The following PTPRD variants were observed in gnomAD, a reference collection of about 807,000 sequenced individuals.
PTPRD encodes receptor-type tyrosine-protein phosphatase delta.
In PTPRD, 34 loss-of-function variants were observed where a neutral mutation model predicts 214.5. The observed-to-expected ratio is 0.16, with a 90% CI of 0.12 to 0.21. PTPRD has a LOEUF of 0.21. PTPRD is among the 10% of genes least tolerant of loss of function. PTPRD has a pLI of 1.00. For synonymous variants in PTPRD, 1,128 were observed against 845.7 expected (o/e 1.33, Z -5.79); for missense variants, 2,545 against 2,398.7 (o/e 1.06, Z -1.27).
chr9:9,004,941 G>A (rs1205617261), intron 11 of PTPRD, among the ~76,000 whole-genome samples: 2 of 152,084 alleles, frequency 1.3e-5, no homozygotes, highest in Admixed American at 1.3e-4. Context: ...AGCCAAAAAT[G>A]AGCTAATTTT....
intron 16 of PTPRD, 130 bp downstream of exon 16, chr9:8,527,215 C>T: frequency 1.1e-6 from 1 of 913,234 alleles, no homozygotes; most frequent in South Asian, 1.7e-5. Flanking sequence ...GTGTGGGAGC[C>T]ACTACAGAGA....
chr9:8,633,263 G>C (rs1028636642), intron 14 of PTPRD, 54 bp downstream of exon 14: 3 of 1,579,274 alleles, frequency 1.9e-6, no homozygotes, highest in Non-Finnish European at 1.7e-6. Context: ...TGCTACAAAA[G>C]AGATACAGAA....
chr9:10,335,238 TA>T (rs902487060), intron 3 of PTPRD, among the ~76,000 whole-genome samples: 2 of 151,478 alleles, frequency 1.3e-5, no homozygotes, highest in Non-Finnish European at 3.0e-5. Flanking sequence ...AAATAACAGA[TA>T]AAAAGATCAA....
At chr9:9,751,084 G>T (rs532456512) in intron 6 of PTPRD, among the ~76,000 whole-genome samples, 1 of 152,160 alleles carries the variant, frequency 6.6e-6, no homozygotes, top group East Asian at 1.9e-4. Context: ...CTTGAATGAA[G>T]ATTCTAAACA....
intron 10 of PTPRD, among the ~76,000 whole-genome samples, chr9:9,182,428 G>T (rs914585756): frequency 6.6e-5 from 10 of 151,918 alleles, no homozygotes; most frequent in African/African-American, 2.4e-4. Flanking sequence ...ACTTTATTTA[G>T]AAAGTTTGTA....
At chr9:8,924,757 T>C (rs1200968675) in intron 11 of PTPRD, among the ~76,000 whole-genome samples, 2 of 152,246 alleles carry the variant, frequency 1.3e-5, no homozygotes, top group East Asian at 3.9e-4. Flanking sequence ...GGCCATTCAG[T>C]AGGGCTTGGC....
intron 7 of PTPRD, among the ~76,000 whole-genome samples, chr9:9,640,603 C>CT (rs1391472786): frequency 2.0e-5 from 3 of 152,044 alleles, no homozygotes; most frequent in African/African-American, 7.2e-5. Context: ...GAAGGTAAGC[C>CT]TGTAAGTATG....
intron 5 of PTPRD, among the ~76,000 whole-genome samples, chr9:9,910,973 G>A (rs1222048875): frequency 1.4e-5 from 2 of 139,248 alleles, no homozygotes; most frequent in Admixed American, 7.4e-5. Context: ...ACTTGCTTTG[G>A]TTTGGTGTCT....
chr9:9,539,298 G>A (rs750594711), intron 8 of PTPRD, among the ~76,000 whole-genome samples: 1 of 151,822 alleles, frequency 6.6e-6, no homozygotes, highest in Admixed American at 6.6e-5. Flanking sequence ...GAATCAGTAG[G>A]AAAGCTTCTG....
At chr9:10,062,531 G>A (rs575876193) in intron 3 of PTPRD, among the ~76,000 whole-genome samples, 19 of 152,094 alleles carry the variant, frequency 1.2e-4, no homozygotes, top group South Asian at 6.2e-4. Flanking sequence ...ACTTAAACCC[G>A]CAAGGCAGAG....
chr9:10,051,430 T>A (rs2097533060), intron 3 of PTPRD, among the ~76,000 whole-genome samples: 1 of 152,058 alleles, frequency 6.6e-6, no homozygotes, highest in African/African-American at 2.4e-5. Context: ...GATATTACAA[T>A]CTTTTTTTTC....
chr9:10,363,411 CCTT>C (rs1181117851), intron 2 of PTPRD, among the ~76,000 whole-genome samples: 2 of 152,168 alleles, frequency 1.3e-5, no homozygotes, highest in African/African-American at 2.4e-5. Flanking sequence ...TACACACTTC[CCTT>C]CTTATTTTCA....
intron 8 of PTPRD, among the ~76,000 whole-genome samples, chr9:9,539,782 T>C (rs16929710): frequency 6.6e-6 from 1 of 151,662 alleles, no homozygotes; most frequent in South Asian, 2.1e-4. Flanking sequence ...TGGTTCAGCA[T>C]ATAGGAAAAG....
At chr9:9,719,048 C>T (rs1271938550) in intron 7 of PTPRD, among the ~76,000 whole-genome samples, 4 of 152,156 alleles carry the variant, frequency 2.6e-5, no homozygotes, top group African/African-American at 9.7e-5. Flanking sequence ...TCAGAACTTC[C>T]TTGATGTCTT....
intron 32 of PTPRD, among the ~76,000 whole-genome samples, chr9:8,465,214 C>G (rs1199085036): frequency 6.6e-6 from 1 of 151,900 alleles, no homozygotes; most frequent in African/African-American, 2.4e-5. Flanking sequence ...AGAACCATGT[C>G]CTATCGATCT....
intron 36 of PTPRD, among the ~76,000 whole-genome samples, chr9:8,390,552 CT>C (rs35103647): frequency 0.4 from 51,770 of 129,854 alleles, 9,196 homozygotes; most frequent in Middle Eastern, 0.48. Flanking sequence ...TGTTAAGTTG[CT>C]TTATTGCCTA....
intron 3 of PTPRD, among the ~76,000 whole-genome samples, chr9:10,123,327 T>C (rs549147508): frequency 6.6e-6 from 1 of 152,216 alleles, no homozygotes; most frequent in African/African-American, 2.4e-5. Flanking sequence ...GTGTGTGAAC[T>C]TGTGAGGTGA....
At chr9:8,830,556 G>T (rs925422678) in intron 11 of PTPRD, among the ~76,000 whole-genome samples, 1 of 152,070 alleles carries the variant, frequency 6.6e-6, no homozygotes, top group Non-Finnish European at 1.5e-5. Flanking sequence ...TGACCAAACA[G>T]AAAAGTGAGG....
intron 9 of PTPRD, among the ~76,000 whole-genome samples, chr9:9,378,755 A>G (rs1485320018): frequency 6.6e-6 from 1 of 152,030 alleles, no homozygotes; most frequent in Non-Finnish European, 1.5e-5. Context: ...ACATTTCTCT[A>G]ATGACATATA....
Sources: allele counts gnomAD v4.1 joint callset (sites outside exome capture counted in the v4.1 genomes callset), GRCh38; gene constraint gnomAD v4.1.1; transcripts MANE v1.5; gene names NCBI Gene and HGNC (gene_info 2026-07-23, HGNC 2026-07-21).